Variants in NPR2 observed in about 807,000 individuals in gnomAD.
The protein encoded by NPR2 is atrial natriuretic peptide receptor 2.
In NPR2, 49 loss-of-function variants were observed where a neutral mutation model predicts 120.7. The observed-to-expected ratio is 0.41, with a 90% CI of 0.32 to 0.52. The LOEUF (loss-of-function observed/expected upper bound fraction) is 0.52. NPR2 is among the 20% of genes least tolerant of loss of function. The probability of loss-of-function intolerance (pLI) is 0.36; values close to 1 mark genes in which losing one functional copy is unlikely to be tolerated. For synonymous variants in NPR2, 484 were observed against 519.8 expected (o/e 0.93, Z 0.94); for missense variants, 931 against 1,362.9 (o/e 0.68, Z 4.99).
Position 35,805,631 on chromosome 9 carries a change from T to C in NPR2, c.2008T>C (p.Ser670Pro). The change falls in exon 13 of 22, where the codon TCA becomes CCA. Residue 670 changes from serine to proline, a missense_variant. Coordinates refer to ENST00000342694, the MANE Select transcript of NPR2 (RefSeq NM_003995.4). This position sits in a 1 kb window ranked among gnomAD's most constrained non-coding sequence, Gnocchi z 4.9. ...AGACTATGGCCTGGCCAGCTTCCGATCAACTGCTGAACCTGATGACAGCCA... is the reference window on the plus strand; with the variant it reads ...AGACTATGGCCTGGCCAGCTTCCGACCAACTGCTGAACCTGATGACAGCCA... ...ITDYGLASFRSTAEPDDSHAL... is the reference protein window; with the variant it reads ...ITDYGLASFRPTAEPDDSHAL... 2.5e-6 allele frequency: 4 copies of C among 1,614,162 alleles called. No individual in the cohort carries two copies. The highest frequency in any genetic ancestry group is 3.4e-6 in the Non-Finnish European group (4 of 1,180,034).
Position 35,802,666 on chromosome 9 carries a change from C to G in NPR2, c.1815+59C>G. The G allele has an allele frequency of 6.8e-7, 1 of 1,473,486 alleles. No individual in the cohort carries two copies. The highest frequency in any genetic ancestry group is 1.1e-5 in the South Asian group (1 of 88,180). The allele number at this position is 1,473,486 out of a possible 1,614,324, so 91.3% of individuals were successfully genotyped here. ...TGGGAAGGATAGACCCAAAGTTATA[C>G]TGACTCTATGCTGGGTGATAGCTGG... On this transcript the variant is annotated intron_variant, in intron 11 of 21. Transcript: ENST00000342694. This position sits in a 1 kb window ranked among gnomAD's most constrained non-coding sequence, Gnocchi z 4.2.
Position 35,792,281 on chromosome 9 carries a change from C to T in NPR2, c.-128C>T. On this transcript the variant is annotated 5_prime_UTR_variant, in exon 1 of 22. Transcript: ENST00000342694. The stretch of plus-strand genomic sequence containing the variant: ...GCCCCCAGCACCTTCTGCATCCCAG[C>T]CTACCTAGCCTACTCCTCCTCTTCC... 1 of 994,112 alleles carries T rather than the reference C, an allele frequency of 1.0e-6. No individual in the cohort carries two copies. The highest frequency in any genetic ancestry group is 1.4e-6 in the Non-Finnish European group (1 of 691,216). The allele number at this position is 994,112 out of a possible 1,614,324, so 61.6% of individuals were successfully genotyped here. A position where few individuals can be genotyped will look rare whatever the true frequency, so the allele number is the denominator to read the frequency against.
chr9:35,800,356 A>T lies in NPR2; in HGVS notation c.1124-33A>T, dbSNP rs752544201. On this transcript the variant is annotated intron_variant, in intron 4 of 21. Coordinates refer to ENST00000342694, the MANE Select transcript of NPR2 (RefSeq NM_003995.4). This position sits in a 1 kb window ranked among gnomAD's most constrained non-coding sequence, Gnocchi z 4.7. ...TGAGTGGGAGAGGAGCCCAGGGTAG[A>T]CCTCAAAGAAAGGACACTCTTTTCT... 1.3e-5 allele frequency: 21 copies of T among 1,582,370 alleles called. No homozygotes were observed. The highest frequency in any genetic ancestry group is 1.4e-5 in the Non-Finnish European group (16 of 1,151,142).
rs895993344 is a variant in NPR2 at position 35,806,733 on chromosome 9, C to T, written c.2519+195C>T. ...CTGCCTTCTTACTGGCTGCCCATCC[C>T]TTCTTCTTAAGACCCTGCTCTACCA... On this transcript the variant is annotated intron_variant, in intron 16 of 21. Coordinates refer to ENST00000342694, the MANE Select transcript of NPR2 (RefSeq NM_003995.4). This position sits in a 1 kb window ranked among gnomAD's most constrained non-coding sequence, Gnocchi z 4.6. Among the ~76,000 whole-genome samples, 2 of 152,168 alleles carry T rather than the reference C, an allele frequency of 1.3e-5. No homozygotes were observed. The highest frequency in any genetic ancestry group is 4.8e-5 in the African/African-American group (2 of 41,434).
chr9:35,799,599 C>T lies in NPR2; in HGVS notation c.874-19C>T, dbSNP rs1310797826. 1 of 1,546,112 alleles carries T rather than the reference C, an allele frequency of 6.5e-7. No homozygotes were observed. Among genetic ancestry groups the T allele is most frequent in the Non-Finnish European group, 8.9e-7 (1 of 1,118,134 alleles). ...TATCTTGAATCCTGTTCACTCTTCCCCATATGCTGCTGGTACAGACTGTAT... is the reference window on the plus strand; with the variant it reads ...TATCTTGAATCCTGTTCACTCTTCCTCATATGCTGCTGGTACAGACTGTAT... On this transcript the variant is annotated intron_variant, in intron 2 of 21. Transcript: ENST00000342694.
intron 2 of NPR2, among the ~76,000 whole-genome samples, chr9:35,796,740 G>A (rs1370211019): frequency 6.6e-6 from 1 of 152,208 alleles, no homozygotes; most frequent in Non-Finnish European, 1.5e-5. Flanking sequence ...AAGGCTTTGG[G>A]TAGGTGGGGC....
chr9:35,794,208 G>C, intron 2 of NPR2, 105 bp downstream of exon 2: 1 of 1,035,448 alleles, frequency 9.7e-7, no homozygotes. Flanking sequence ...CAGGAATTGT[G>C]AGCCACAGGA....
At chr9:35,797,596 C>T (rs1269427689) in intron 2 of NPR2, among the ~76,000 whole-genome samples, 1 of 152,192 alleles carries the variant, frequency 6.6e-6, no homozygotes, top group Non-Finnish European at 1.5e-5. Context: ...CTGGCACCCA[C>T]CCACCACTGC....
Position 35,805,986 on chromosome 9 carries a change from G to GT in NPR2, c.2203+2dup. The GT allele has an allele frequency of 6.2e-7, 1 of 1,614,182 alleles. No individual in the cohort carries two copies. Among genetic ancestry groups the GT allele is most frequent in the Non-Finnish European group, 8.5e-7 (1 of 1,180,032 alleles). ...GAGGGCCTGGACCTCAGCCCCAAAG[G>GT]TAAGAGTCAATCCACTACCCACAGC... On this transcript the variant is annotated splice_donor_variant, in intron 14 of 21. Transcript: ENST00000342694. LOFTEE classifies it high-confidence loss of function. This position sits in a 1 kb window ranked among gnomAD's most constrained non-coding sequence, Gnocchi z 4.9.
In NPR2 at chr9:35,809,217, G is replaced by C. The variant is rs386352338; in HGVS notation, c.3048G>C (p.Gln1016His). The C allele has an allele frequency of 1.2e-6, 2 of 1,613,960 alleles. No homozygotes were observed. The highest frequency in any genetic ancestry group is 1.7e-6 in the Non-Finnish European group (2 of 1,180,004). ...KDALDELGCF[Q>H]LELRGDVEMK... ...CCCTAGATGAGCTAGGATGCTTCCA[G>C]CTAGAGCTTCGGGGGGATGTGGAAA... The change falls in exon 21 of 22, where the codon CAG becomes CAC. Residue 1016 changes from glutamine (Q) to histidine (H), a missense_variant. This residue lies in a region of NPR2 where 184 missense variants were observed against 328.3 expected (regional missense o/e 0.56). Transcript: ENST00000342694. This position sits in a 1 kb window ranked among gnomAD's most constrained non-coding sequence, Gnocchi z 4.1.
intron 12 of NPR2, among the ~76,000 whole-genome samples, chr9:35,803,642 G>T (rs1231781593): frequency 2.0e-5 from 3 of 152,204 alleles, no homozygotes; most frequent in African/African-American, 7.2e-5. Flanking sequence ...ATGTTCAAAT[G>T]ACTCAGAGGC....
intron 12 of NPR2, among the ~76,000 whole-genome samples, chr9:35,803,803 T>TA (rs1344940525): frequency 6.6e-6 from 1 of 152,238 alleles, no homozygotes; most frequent in Non-Finnish European, 1.5e-5. Flanking sequence ...TGAAGTTATT[T>TA]AAAAAGTATT....
At position 35,802,494 on chromosome 9, in the gene NPR2, T is replaced by G. The variant is rs777590147; in HGVS notation, c.1711-9T>G. ...TTTTCTTATCCTTCCCATTGTTTTTTTCTGCCAGATGAGAGATGTTCAGTT... is the reference window on the plus strand; with the variant it reads ...TTTTCTTATCCTTCCCATTGTTTTTGTCTGCCAGATGAGAGATGTTCAGTT... On this transcript the variant is annotated splice_polypyrimidine_tract_variant and intron_variant, in intron 10 of 21. Coordinates refer to ENST00000342694, the MANE Select transcript of NPR2 (RefSeq NM_003995.4). This position sits in a 1 kb window ranked among gnomAD's most constrained non-coding sequence, Gnocchi z 4.2. 3.4e-5 allele frequency: 53 copies of G among 1,540,036 alleles called. No homozygotes were observed. The highest frequency in any genetic ancestry group is 4.4e-5 in the Non-Finnish European group (49 of 1,112,592).
chr9:35,806,630 C>G lies in NPR2; in HGVS notation c.2519+92C>G, dbSNP rs1293704800. 1 of 1,382,126 alleles carries G rather than the reference C, an allele frequency of 7.2e-7. No homozygotes were observed. 85.6% of individuals were successfully genotyped at this position (1,382,126 alleles called of 1,614,324 possible). A position where few individuals can be genotyped will look rare whatever the true frequency, so the allele number is the denominator to read the frequency against. On this transcript the variant is annotated intron_variant, in intron 16 of 21. Transcript: ENST00000342694. The surrounding 1 kb of genome is among the most constrained non-coding windows in gnomAD (Gnocchi z 4.6). ...GGCACCTGAGAACTCGCCTCCCCACCCTCAGAACCCTGCTGGCCACAGGGA... is the reference window on the plus strand; with the variant it reads ...GGCACCTGAGAACTCGCCTCCCCACGCTCAGAACCCTGCTGGCCACAGGGA...
In NPR2 at chr9:35,800,575, G is replaced by C; in HGVS notation, c.1218+92G>C. Reference sequence around the variant, plus strand: ...GGGCAGAACCAAAACTACTAGATGAGGGATTTGTTTTCTCTGCTGGCACTG... The same window carrying C: ...GGGCAGAACCAAAACTACTAGATGACGGATTTGTTTTCTCTGCTGGCACTG... On this transcript the variant is annotated intron_variant, in intron 5 of 21. Coordinates refer to ENST00000342694, the MANE Select transcript of NPR2 (RefSeq NM_003995.4). The surrounding 1 kb of genome is among the most constrained non-coding windows in gnomAD (Gnocchi z 4.7). The C allele has an allele frequency of 6.4e-7, 1 of 1,571,548 alleles. No individual in the cohort carries two copies. Among genetic ancestry groups the C allele is most frequent in the Non-Finnish European group, 8.8e-7 (1 of 1,142,556 alleles).
Position 35,808,498 on chromosome 9 carries a change from C to T in NPR2, c.2713-11C>T, listed in dbSNP as rs577459245. ...AAATAGAGGTGACCTTTTAATCCCC[C>T]TCTCAATCAGGTGGAGACGATTGGG... On this transcript the variant is annotated splice_polypyrimidine_tract_variant and intron_variant, in intron 18 of 21. Coordinates refer to ENST00000342694, the MANE Select transcript of NPR2 (RefSeq NM_003995.4). The surrounding 1 kb of genome is among the most constrained non-coding windows in gnomAD (Gnocchi z 4.0). 4.3e-5 allele frequency: 69 copies of T among 1,613,668 alleles called. No individual in the cohort carries two copies. Among genetic ancestry groups the T allele is most frequent in the Non-Finnish European group, 5.7e-5 (67 of 1,179,846 alleles).
rs1390664190 is a variant in NPR2 at position 35,801,053 on chromosome 9, C to T, written c.1352-17C>T. Reference sequence around the variant, plus strand: ...GTCCGCACACAGTCTTCCTCAGGGTCTCTATTTCCCCTTCAGCTCCACTTT... The same window carrying T: ...GTCCGCACACAGTCTTCCTCAGGGTTTCTATTTCCCCTTCAGCTCCACTTT... On this transcript the variant is annotated splice_polypyrimidine_tract_variant and intron_variant, in intron 6 of 21. Coordinates refer to ENST00000342694, the MANE Select transcript of NPR2 (RefSeq NM_003995.4). The T allele has an allele frequency of 4.4e-6, 7 of 1,607,620 alleles. No homozygotes were observed. The highest frequency in any genetic ancestry group is 1.7e-5 in the Admixed American group (1 of 60,010).
Position 35,804,763 on chromosome 9 carries a change from C to T in NPR2, c.1888-748C>T, listed in dbSNP as rs137954269. ...GATCTTATTCCTCCTCTACCCCGAC[C>T]TGCCCACCTCCCTCTAGTAGATCTT... is the stretch of plus-strand genomic sequence containing the variant. On this transcript the variant is annotated intron_variant, in intron 12 of 21. Coordinates refer to ENST00000342694, the MANE Select transcript of NPR2 (RefSeq NM_003995.4). Among the ~76,000 whole-genome samples, 268 of 132,954 alleles carry T rather than the reference C, an allele frequency of 2.0e-3. 4 individuals are homozygous for T. In the East Asian group the frequency reaches 0.048, roughly 24 times the overall value. 87.2% of individuals were successfully genotyped at this position (132,954 alleles called of 152,430 possible).
At position 35,801,893 on chromosome 9, in the gene NPR2, A is replaced by G. The variant is rs763541466; in HGVS notation, c.1558-33A>G. On this transcript the variant is annotated intron_variant, in intron 8 of 21. Coordinates refer to ENST00000342694, the MANE Select transcript of NPR2 (RefSeq NM_003995.4). ...ACCACCATCATCTAATGTTCCTTTCATCCTTCCGCCTCCATGTTGCCCTTG... is the reference window on the plus strand; with the variant it reads ...ACCACCATCATCTAATGTTCCTTTCGTCCTTCCGCCTCCATGTTGCCCTTG... 5 of 1,612,130 alleles carry G rather than the reference A, an allele frequency of 3.1e-6. No individual in the cohort carries two copies. In the East Asian group the frequency reaches 1.1e-4, roughly 36 times the overall value.
Sources: gnomAD v4.1 joint callset for allele counts (sites outside exome capture counted in the v4.1 genomes callset) on GRCh38, gnomAD v4.1.1 for gene constraint, gnomAD v4.1.1 regional missense constraint, Gnocchi (gnomAD v3.1) non-coding constraint, MANE v1.5 for transcripts, NCBI Gene and HGNC (gene_info 2026-07-23, HGNC 2026-07-21) for gene names.